Variants in DEFB116 observed in about 807,000 individuals in gnomAD.
The protein encoded by DEFB116 is defensin beta 116, also known as beta-defensin 116.
A neutral mutation model predicts 2.8 loss-of-function variants in DEFB116; 5 were observed. The ratio of observed to expected loss-of-function variants is 1.80; its 90% CI spans 0.94 to 3.79. The LOEUF is 3.79. Among genes scored for constraint, DEFB116 ranks in the 30% most tolerant of loss-of-function variants. The pLI, the probability that DEFB116 is intolerant of heterozygous loss-of-function variation, is 0.00. For synonymous variants in DEFB116, 56 were observed against 40.8 expected (o/e 1.37, Z -1.42); for missense variants, 170 against 118.0 (o/e 1.44, Z -2.04).
At chr20:31,304,469 T>C (rs187453238) in intron 1 of DEFB116, among the ~76,000 whole-genome samples, 134 of 152,238 alleles carry the variant, frequency 8.8e-4, no homozygotes, top group African/African-American at 3.1e-3. Flanking sequence ...CTTCACTCTT[T>C]AGATGAAGAC....
At chr20:31,303,584 T>C in intron 1 of DEFB116, 131 bp from the exon 2 acceptor site, 2 of 1,305,754 alleles carry the variant, frequency 1.5e-6, no homozygotes, top group Non-Finnish European at 2.1e-6. Flanking sequence ...TAGATTCAAA[T>C]CTGGGCTCTG....
rs748264491 is a variant in DEFB116 at position 31,308,551 on chromosome 20, G to T, written c.35C>A (p.Ala12Asp). 1.9e-6 allele frequency: 3 copies of T among 1,613,464 alleles called. No individual in the cohort carries two copies. In the Admixed American group the frequency reaches 5.0e-5, roughly 27 times the overall value. The change falls in exon 1 of 2, where the codon GCC (alanine) becomes GAC (aspartate). Residue 12 changes from alanine (A) to aspartate (D), a missense_variant. Coordinates refer to ENST00000400549, the MANE Select transcript of DEFB116 (RefSeq NM_001037731.1). The stretch of plus-strand genomic sequence containing the variant: ...CTTTTGAGCCAGGATCATAAGGATG[G>T]CAATGGTCATTAAACAGGGCTTCAT... ...SVMKPCLMTI[A>D]ILMILAQKTP... is the part of the protein sequence containing the mutation.
intron 1 of DEFB116, among the ~76,000 whole-genome samples, 155 bp from the exon 2 acceptor site, chr20:31,303,608 C>A (rs1984932431): frequency 6.6e-6 from 1 of 152,162 alleles, no homozygotes; most frequent in Admixed American, 6.5e-5. Context: ...TTTACCATCT[C>A]TCCCTCCTCA....
chr20:31,305,639 G>A (rs966515661), intron 1 of DEFB116, among the ~76,000 whole-genome samples: 1 of 151,832 alleles, frequency 6.6e-6, no homozygotes, highest in African/African-American at 2.4e-5. Context: ...TGAAGTCAGA[G>A]GACCAGCTTT....
chr20:31,308,546 G>C lies in DEFB116; in HGVS notation c.40C>G (p.Leu14Val). 3 of 1,613,620 alleles carry C rather than the reference G, an allele frequency of 1.9e-6. No homozygotes were observed. Among genetic ancestry groups the C allele is most frequent in the Non-Finnish European group, 2.5e-6 (3 of 1,179,594 alleles). The change falls in exon 1 of 2, where the codon CTT becomes GTT. Residue 14 changes from leucine to valine, a missense_variant. Coordinates refer to ENST00000400549, the MANE Select transcript of DEFB116 (RefSeq NM_001037731.1). Reference sequence around the variant, plus strand: ...GGAGTCTTTTGAGCCAGGATCATAAGGATGGCAATGGTCATTAAACAGGGC... The same window carrying C: ...GGAGTCTTTTGAGCCAGGATCATAACGATGGCAATGGTCATTAAACAGGGC... ...MKPCLMTIAI[L>V]MILAQKTPGG...
chr20:31,306,048 A>C (rs1984985058), intron 1 of DEFB116, among the ~76,000 whole-genome samples: 2 of 152,080 alleles, frequency 1.3e-5, no homozygotes, highest in Admixed American at 1.3e-4. Context: ...AAACTGTCTT[A>C]AGTCAAAAAA....
intron 1 of DEFB116, among the ~76,000 whole-genome samples, chr20:31,308,018 GAA>G (rs1430093505): frequency 6.6e-6 from 1 of 151,928 alleles, no homozygotes; most frequent in Non-Finnish European, 1.5e-5. Flanking sequence ...CTCCATTCAA[GAA>G]AAAATACCAT....
chr20:31,306,452 T>A (rs1005164955), intron 1 of DEFB116, among the ~76,000 whole-genome samples: 1 of 152,166 alleles, frequency 6.6e-6, no homozygotes, highest in African/African-American at 2.4e-5. Flanking sequence ...TCAATAATTA[T>A]TAAGGAAGCT....
chr20:31,305,786 G>C (rs1168169758), intron 1 of DEFB116, among the ~76,000 whole-genome samples: 1 of 152,036 alleles, frequency 6.6e-6, no homozygotes, highest in African/African-American at 2.4e-5. Context: ...GTGTAAAAAA[G>C]AGGTTAATAA....
chr20:31,307,188 G>T (rs1985009860), intron 1 of DEFB116, among the ~76,000 whole-genome samples: 1 of 151,742 alleles, frequency 6.6e-6, no homozygotes. Flanking sequence ...ATTATTTTTG[G>T]TACATCAAAT....
Position 31,303,384 on chromosome 20 carries a change from A to G in DEFB116, c.137T>C (p.Met46Thr). The G allele has an allele frequency of 6.2e-7, 1 of 1,613,618 alleles. No homozygotes were observed. The highest frequency in any genetic ancestry group is 8.5e-7 in the Non-Finnish European group (1 of 1,179,602). ...PWNPCELYQG[M>T]CRNACREYEI... ...ATATTCTCTGCAGGCGTTTCTGCACATGCCTTGGTAAAGCTCACATGGATT... is the reference window on the plus strand; with the variant it reads ...ATATTCTCTGCAGGCGTTTCTGCACGTGCCTTGGTAAAGCTCACATGGATT... The change falls in exon 2 of 2, where the codon ATG (methionine) becomes ACG (threonine). Residue 46 changes from methionine (M) to threonine (T), a missense_variant. By Grantham distance (81) the Met-to-Thr change is moderately conservative. Coordinates refer to ENST00000400549, the MANE Select transcript of DEFB116 (RefSeq NM_001037731.1).
chr20:31,303,833 T>A (rs1984936935), intron 1 of DEFB116, among the ~76,000 whole-genome samples: 1 of 152,132 alleles, frequency 6.6e-6, no homozygotes, highest in Non-Finnish European at 1.5e-5. Flanking sequence ...TATGCCACTG[T>A]GAGCACATAT....
chr20:31,306,955 T>C (rs377702567), intron 1 of DEFB116, among the ~76,000 whole-genome samples: 7 of 152,156 alleles, frequency 4.6e-5, no homozygotes, highest in African/African-American at 1.7e-4. Flanking sequence ...TTCTTCAGAA[T>C]TTGAAAATAA....
At chr20:31,305,367 C>T (rs1984970920) in intron 1 of DEFB116, among the ~76,000 whole-genome samples, 1 of 152,062 alleles carries the variant, frequency 6.6e-6, no homozygotes, top group South Asian at 2.1e-4. Context: ...TGTCTGCAGT[C>T]ACTGGAGGGA....
chr20:31,308,436 G>T, intron 1 of DEFB116, 83 bp downstream of exon 1: 11 of 1,375,268 alleles, frequency 8.0e-6, no homozygotes, highest in Non-Finnish European at 1.1e-5. Context: ...CCCACTATAT[G>T]TGAGTAGGAG....
chr20:31,303,551 C>T, intron 1 of DEFB116, 98 bp from the exon 2 acceptor site: 5 of 1,481,292 alleles, frequency 3.4e-6, no homozygotes, highest in Non-Finnish European at 4.5e-6. Context: ...ATTAAGGGCA[C>T]AAGATCTGGA....
At chr20:31,308,175 C>T (rs1985038075) in intron 1 of DEFB116, among the ~76,000 whole-genome samples, 1 of 152,120 alleles carries the variant, frequency 6.6e-6, no homozygotes, top group African/African-American at 2.4e-5. Flanking sequence ...CTACCCAACT[C>T]CAAACTGCTA....
At chr20:31,308,246 C>T (rs1985040284) in intron 1 of DEFB116, among the ~76,000 whole-genome samples, 1 of 152,106 alleles carries the variant, frequency 6.6e-6, no homozygotes, top group African/African-American at 2.4e-5. Flanking sequence ...ATGAATTAAG[C>T]CCCCATCCCA....
chr20:31,308,152 C>G lies in DEFB116; in HGVS notation c.67+367G>C, dbSNP rs1985037393. Among the ~76,000 whole-genome samples the G allele has an allele frequency of 2.6e-5, 4 of 152,034 alleles. No individual in the cohort carries two copies. In the South Asian group the frequency reaches 8.3e-4, roughly 32 times the overall value. ...CTATCTCTAAGGTCTTACAACCTCCCCACCTCAACTCCCTACCCAACTCCA... is the reference window on the plus strand; with the variant it reads ...CTATCTCTAAGGTCTTACAACCTCCGCACCTCAACTCCCTACCCAACTCCA... On this transcript the variant is annotated intron_variant, in intron 1 of 1. Coordinates refer to ENST00000400549, the MANE Select transcript of DEFB116 (RefSeq NM_001037731.1).
Sources: allele counts gnomAD v4.1 joint callset (sites outside exome capture counted in the v4.1 genomes callset), GRCh38; gene constraint gnomAD v4.1.1; transcripts MANE v1.5; gene names NCBI Gene and HGNC (gene_info 2026-07-23, HGNC 2026-07-21).